Variants in RMND5A observed in about 807,000 individuals in gnomAD.
The protein encoded by RMND5A is E3 ubiquitin-protein transferase RMND5A.
In RMND5A, 17 loss-of-function variants were observed where a neutral mutation model predicts 49.7. The ratio of observed to expected loss-of-function variants is 0.34; its 90% CI spans 0.23 to 0.51. The LOEUF (loss-of-function observed/expected upper bound fraction) is 0.51. Ranked by LOEUF, RMND5A falls within the 20% of genes least tolerant of loss-of-function variation. The probability of loss-of-function intolerance (pLI) is 0.96; values close to 1 mark genes in which losing one functional copy is unlikely to be tolerated. For missense variants in RMND5A, 255 were observed against 471.3 expected (o/e 0.54, Z 4.25); for synonymous variants, 156 against 167.7 (o/e 0.93, Z 0.54).
intron 4 of RMND5A, among the ~76,000 whole-genome samples, chr2:86,760,411 C>G (rs1033061058): frequency 6.6e-6 from 1 of 152,170 alleles, no homozygotes; most frequent in Non-Finnish European, 1.5e-5. Context: ...TCGTTTTTAC[C>G]ACAGTTTAGT....
intron 2 of RMND5A, chr2:86,748,554 G>C (rs1377331929): frequency 1.3e-5 from 2 of 152,174 alleles, no homozygotes; most frequent in Admixed American, 6.5e-5. Flanking sequence ...TAAGAAAATA[G>C]AGATACACAT....
At chr2:86,753,974 G>A (rs1287559052) in intron 4 of RMND5A, among the ~76,000 whole-genome samples, 13 of 152,194 alleles carry the variant, frequency 8.5e-5, no homozygotes, top group Non-Finnish European at 1.8e-4. Context: ...TGTGGATGAA[G>A]AGAACAAATA....
intron 1 of RMND5A, among the ~76,000 whole-genome samples, chr2:86,725,093 A>G (rs1457652586): frequency 1.8e-5 from 1 of 55,610 alleles, no homozygotes; most frequent in Non-Finnish European, 3.4e-5. Context: ...GTAAGAGTAA[A>G]GGACATGCAG....
intron 2 of RMND5A, among the ~76,000 whole-genome samples, chr2:86,745,837 T>C (rs149086547): frequency 6.6e-6 from 1 of 152,286 alleles, no homozygotes; most frequent in African/African-American, 2.4e-5. Context: ...GTATATAATT[T>C]GGAAGTAGTG....
At chr2:86,758,990 G>T (rs1374523835) in intron 4 of RMND5A, among the ~76,000 whole-genome samples, 1 of 152,128 alleles carries the variant, frequency 6.6e-6, no homozygotes, top group African/African-American at 2.4e-5. Flanking sequence ...ACCCCCAAGA[G>T]TATAGCCTTA....
At chr2:86,745,763 T>C (rs886456525) in intron 2 of RMND5A, among the ~76,000 whole-genome samples, 1 of 152,246 alleles carries the variant, frequency 6.6e-6, no homozygotes, top group Non-Finnish European at 1.5e-5. Flanking sequence ...CATTTATATC[T>C]ATCCCATGAT....
chr2:86,725,761 A>G lies in RMND5A; in HGVS notation c.142+4952A>G, dbSNP rs574366035. On this transcript the variant is annotated intron_variant, in intron 1 of 8. Coordinates refer to ENST00000283632, the MANE Select transcript of RMND5A (RefSeq NM_022780.4). ...CTTTTCCTTTTTTCTTTAACGCATC[A>G]GATATGTATTTCCATTTACTATGAT... Among the ~76,000 whole-genome samples the G allele has an allele frequency of 7.2e-4, 57 of 79,224 alleles. 19 individuals are homozygous for G. Among genetic ancestry groups the G allele is most frequent in the Middle Eastern group, 5.1e-3 (1 of 196 alleles). The allele number at this position is 79,224 out of a possible 152,430, so 52.0% of individuals were successfully genotyped here.
In RMND5A at chr2:86,776,853, C is replaced by T. The variant is rs1441242924; in HGVS notation, c.*3442C>T. ...CATCACTTAACTATACGTACTTTAT[C>T]TCTGGTAACACTAGAATGCTGTGGT... On this transcript the variant is annotated 3_prime_UTR_variant, in exon 9 of 9. Coordinates refer to ENST00000283632, the MANE Select transcript of RMND5A (RefSeq NM_022780.4). 1.7e-5 allele frequency: 2 copies of T among 117,756 alleles called. No individual in the cohort carries two copies. Among genetic ancestry groups the T allele is most frequent in the African/African-American group, 6.8e-5 (2 of 29,572 alleles). 7.3% of individuals were successfully genotyped at this position (117,756 alleles called of 1,614,324 possible). A position where few individuals can be genotyped will look rare whatever the true frequency, so the allele number is the denominator to read the frequency against.
rs1672742053 is a variant in RMND5A at position 86,774,944 on chromosome 2, G to A, written c.*1533G>A. The A allele has an allele frequency of 6.6e-6, 1 of 152,658 alleles. No homozygotes were observed. The highest frequency in any genetic ancestry group is 2.1e-4 in the South Asian group (1 of 4,832). 9.5% of individuals were successfully genotyped at this position (152,658 alleles called of 1,614,324 possible). Reference sequence around the variant, plus strand: ...TAAAATGTTTACCTGGGAGAGCTGGGGTTTGTTTGTGAGGAGAAAGAGTAC... The same window carrying A: ...TAAAATGTTTACCTGGGAGAGCTGGAGTTTGTTTGTGAGGAGAAAGAGTAC... On this transcript the variant is annotated 3_prime_UTR_variant, in exon 9 of 9. Transcript: ENST00000283632.
intron 8 of RMND5A, among the ~76,000 whole-genome samples, chr2:86,773,100 T>G (rs1672709825): frequency 6.6e-6 from 1 of 152,210 alleles, no homozygotes. Flanking sequence ...TCCAGAAAAG[T>G]TACCTTTGTT....
chr2:86,760,163 G>C (rs1455863183), intron 4 of RMND5A, among the ~76,000 whole-genome samples: 1 of 151,930 alleles, frequency 6.6e-6, no homozygotes, highest in Non-Finnish European at 1.5e-5. Flanking sequence ...TCCTGCCTCA[G>C]CCTCCTGAGT....
At position 86,774,338 on chromosome 2, in the gene RMND5A, A is replaced by C. The variant is rs1267308350; in HGVS notation, c.*927A>C. ...ATTGTGTATCTGGAAGGAAAGCAGC[A>C]TGTTCCAGTTCTAAAATGCAGTTAC... On this transcript the variant is annotated 3_prime_UTR_variant, in exon 9 of 9. Coordinates refer to ENST00000283632, the MANE Select transcript of RMND5A (RefSeq NM_022780.4). 1 of 152,642 alleles carries C rather than the reference A, an allele frequency of 6.6e-6. No individual in the cohort carries two copies. The allele number at this position is 152,642 out of a possible 1,614,324, so 9.5% of individuals were successfully genotyped here.
chr2:86,750,559 G>C (rs1411447879), intron 2 of RMND5A, among the ~76,000 whole-genome samples: 2 of 152,162 alleles, frequency 1.3e-5, no homozygotes, highest in African/African-American at 4.8e-5. Context: ...AGTTTTAACA[G>C]TTTGAATGTG....
chr2:86,759,558 A>AT (rs935089710), intron 4 of RMND5A, among the ~76,000 whole-genome samples: 22 of 152,018 alleles, frequency 1.4e-4, no homozygotes, highest in African/African-American at 4.3e-4. Flanking sequence ...TGGGATCAGA[A>AT]TTTTTTTAAA....
intron 1 of RMND5A, among the ~76,000 whole-genome samples, chr2:86,728,265 G>C (rs1217479295): frequency 1.2e-5 from 1 of 83,376 alleles, no homozygotes; most frequent in Admixed American, 1.3e-4. Context: ...CTGGGCCCAG[G>C]AGGTCTGGGT....
rs370637269 is a variant in RMND5A, at chr2:86,759,125, GGC to G, written c.521+5568_521+5569del. ...ATTACTAGAAATAGACACCCACCCA[GGC>G]TGGCAAAATTGTAAGATTAGAGAGA... is the stretch of plus-strand genomic sequence containing the variant. On this transcript the variant is annotated intron_variant, in intron 4 of 8. Transcript: ENST00000283632. 1.0e-3 allele frequency among the ~76,000 whole-genome samples: 154 copies of G among 152,312 alleles called. 2 individuals are homozygous for G. Among genetic ancestry groups the G allele is most frequent in the African/African-American group, 3.6e-3 (148 of 41,566 alleles).
At chr2:86,721,015 A>G (rs1681202807) in intron 1 of RMND5A, 1 of 471,194 alleles carries the variant, frequency 2.1e-6, no homozygotes, top group South Asian at 3.2e-5. Context: ...GCCAATTCAG[A>G]AGGAGCGCGA....
intron 1 of RMND5A, among the ~76,000 whole-genome samples, chr2:86,724,428 G>A (rs554321740): frequency 2.2e-5 from 1 of 45,146 alleles, no homozygotes; most frequent in Non-Finnish European, 4.0e-5. Context: ...CAAGGTAAGA[G>A]GAATAGAGAT....
chr2:86,759,612 G>GCCCCCCCCC (rs144501224), intron 4 of RMND5A, among the ~76,000 whole-genome samples: 16 of 146,104 alleles, frequency 1.1e-4, no homozygotes, highest in Non-Finnish European at 2.1e-4. Flanking sequence ...TAGTTTGCTT[G>GCCCCCCCCC]CCCCCCCGCC....
Sources: gnomAD v4.1 joint callset for allele counts (sites outside exome capture counted in the v4.1 genomes callset) on GRCh38, gnomAD v4.1.1 for gene constraint, MANE v1.5 for transcripts, NCBI Gene and HGNC (gene_info 2026-07-23, HGNC 2026-07-21) for gene names.